The following BRINP1 variants were observed in gnomAD, a reference collection of about 807,000 sequenced individuals.
BRINP1 encodes the protein BMP/retinoic acid-inducible neural-specific protein 1.
In BRINP1, 17 loss-of-function variants were observed where a neutral mutation model predicts 72.9. That is an observed-to-expected ratio of 0.23 (90% CI 0.16 to 0.35). BRINP1 has a LOEUF of 0.35. BRINP1 is among the 10% of genes least tolerant of loss of function. The pLI is 1.00. For synonymous variants in BRINP1, 418 were observed against 378.5 expected (o/e 1.10, Z -1.21); for missense variants, 850 against 1,001.6 (o/e 0.85, Z 2.04).
At chr9:119,289,040 T>A (rs1830796976) in intron 2 of BRINP1, among the ~76,000 whole-genome samples, 1 of 152,218 alleles carries the variant, frequency 6.6e-6, no homozygotes, top group South Asian at 2.1e-4. Flanking sequence ...CCTCAAGTGA[T>A]CCACCCGCCT....
intron 1 of BRINP1, among the ~76,000 whole-genome samples, chr9:119,344,329 T>A (rs1170504066): frequency 6.6e-6 from 1 of 152,192 alleles, no homozygotes; most frequent in African/African-American, 2.4e-5. Flanking sequence ...TAAATACATA[T>A]GTATAAACAC....
At chr9:119,259,064 A>G (rs369444063) in intron 2 of BRINP1, among the ~76,000 whole-genome samples, 7 of 152,290 alleles carry the variant, frequency 4.6e-5, no homozygotes, top group African/African-American at 1.7e-4. Context: ...CTCTACAGAA[A>G]AACAAAATAG....
chr9:119,269,453 G>A (rs1368281417), intron 2 of BRINP1, among the ~76,000 whole-genome samples: 3 of 152,106 alleles, frequency 2.0e-5, no homozygotes, highest in Non-Finnish European at 4.4e-5. Flanking sequence ...TTGGGATTGT[G>A]AGAGTTTGCC....
At chr9:119,347,264 G>C (rs1247643136) in intron 1 of BRINP1, among the ~76,000 whole-genome samples, 1 of 152,060 alleles carries the variant, frequency 6.6e-6, no homozygotes, top group Non-Finnish European at 1.5e-5. Flanking sequence ...TGCCAATGTG[G>C]GCAATGAGGA....
Position 119,313,121 on chromosome 9 carries a change from T to C in BRINP1, c.218+17A>G. On this transcript the variant is annotated intron_variant, in intron 2 of 7. Transcript: ENST00000265922. ...TAATATGAATGTAAGGCAAGGGCTA[T>C]TTAGCCCAGGTCTTACCTGTATATT... 6.2e-7 allele frequency: 1 copy of C among 1,611,520 alleles called. No individual in the cohort carries two copies. The highest frequency in any genetic ancestry group is 8.5e-7 in the Non-Finnish European group (1 of 1,178,980).
intron 5 of BRINP1, among the ~76,000 whole-genome samples, chr9:119,232,944 G>A (rs1307626449): frequency 6.6e-6 from 1 of 151,758 alleles, no homozygotes; most frequent in East Asian, 1.9e-4. Context: ...AGCTGTTACT[G>A]CTATGACTAC....
At chr9:119,307,477 A>C (rs1353678375) in intron 2 of BRINP1, among the ~76,000 whole-genome samples, 2 of 152,176 alleles carry the variant, frequency 1.3e-5, no homozygotes, top group Non-Finnish European at 2.9e-5. Context: ...TGAAATGAAA[A>C]GGGGAAAGAA....
Position 119,368,980 on chromosome 9 carries a change from G to T in BRINP1, c.-51+76C>A. ...TAGGGGGAGGGGCAGAGGAGCGCGG[G>T]GACGCCCCGAATGCGGCCCGGGGCC... On this transcript the variant is annotated intron_variant, in intron 1 of 7. Coordinates refer to ENST00000265922, the MANE Select transcript of BRINP1 (RefSeq NM_014618.3). This position sits in a 1 kb window ranked among gnomAD's most constrained non-coding sequence, Gnocchi z 4.7. 2.6e-6 allele frequency: 1 copy of T among 392,112 alleles called. No individual in the cohort carries two copies. Among genetic ancestry groups the T allele is most frequent in the East Asian group, 3.6e-5 (1 of 27,718 alleles). 24.3% of individuals were successfully genotyped at this position (392,112 alleles called of 1,614,324 possible).
Position 119,242,219 on chromosome 9 carries a change from G to T in BRINP1, c.410-3C>A. The T allele has an allele frequency of 6.2e-7, 1 of 1,613,368 alleles. No homozygotes were observed. Among genetic ancestry groups the T allele is most frequent in the Non-Finnish European group, 8.5e-7 (1 of 1,179,664 alleles). On this transcript the variant is annotated splice_polypyrimidine_tract_variant and splice_region_variant and intron_variant, in intron 3 of 7. Coordinates refer to ENST00000265922, the MANE Select transcript of BRINP1 (RefSeq NM_014618.3). ...ATACATGGTCAAAGCCTCCTCCCCT[G>T]GATGGGAAAGAAAAGTAGATAAGAA... is the stretch of plus-strand genomic sequence containing the variant.
intron 7 of BRINP1, among the ~76,000 whole-genome samples, chr9:119,179,660 C>T (rs966106406): frequency 6.6e-6 from 1 of 152,168 alleles, no homozygotes; most frequent in Admixed American, 6.5e-5. Flanking sequence ...TGATTTTTAT[C>T]CCACCGATGA....
intron 2 of BRINP1, among the ~76,000 whole-genome samples, chr9:119,284,912 C>T (rs1012036243): frequency 6.6e-6 from 1 of 152,120 alleles, no homozygotes; most frequent in Non-Finnish European, 1.5e-5. Flanking sequence ...AATACCACTA[C>T]AATACTGGGC....
At chr9:119,357,250 C>T (rs766035625) in intron 1 of BRINP1, among the ~76,000 whole-genome samples, 1 of 152,066 alleles carries the variant, frequency 6.6e-6, no homozygotes, top group African/African-American at 2.4e-5. Flanking sequence ...CACGTGTGCA[C>T]GTGCATGTGT....
intron 1 of BRINP1, among the ~76,000 whole-genome samples, chr9:119,351,065 T>C (rs1467522748): frequency 6.6e-6 from 1 of 152,142 alleles, no homozygotes; most frequent in African/African-American, 2.4e-5. Flanking sequence ...TTCTCCCTTG[T>C]CTTGCCCCCC....
At chr9:119,228,583 A>C (rs956496666) in intron 5 of BRINP1, among the ~76,000 whole-genome samples, 2 of 152,064 alleles carry the variant, frequency 1.3e-5, no homozygotes, top group Admixed American at 1.3e-4. Flanking sequence ...GCATGTGTGC[A>C]TGCAAGATAC....
intron 7 of BRINP1, among the ~76,000 whole-genome samples, chr9:119,176,387 G>GTGTT (rs1399367014): frequency 1.3e-5 from 2 of 152,162 alleles, no homozygotes; most frequent in Non-Finnish European, 1.5e-5. Context: ...GTGGTAGGAA[G>GTGTT]TGTTAACAAT....
intron 2 of BRINP1, among the ~76,000 whole-genome samples, chr9:119,295,384 C>T (rs964814515): frequency 1.3e-5 from 2 of 152,090 alleles, no homozygotes; most frequent in Non-Finnish European, 2.9e-5. Context: ...TATACTTGCA[C>T]CAACCTAGAT....
chr9:119,289,377 T>C (rs1015711879), intron 2 of BRINP1, among the ~76,000 whole-genome samples: 2 of 152,206 alleles, frequency 1.3e-5, no homozygotes, highest in Non-Finnish European at 2.9e-5. Context: ...ATGAAGACGA[T>C]GGAGAAGAGG....
At chr9:119,306,265 A>G (rs1048114203) in intron 2 of BRINP1, among the ~76,000 whole-genome samples, 1 of 152,230 alleles carries the variant, frequency 6.6e-6, no homozygotes, top group African/African-American at 2.4e-5. Context: ...CAATAAAGCT[A>G]TCATTTTTAG....
intron 7 of BRINP1, among the ~76,000 whole-genome samples, chr9:119,168,619 G>A (rs1829350968): frequency 6.6e-6 from 1 of 152,148 alleles, no homozygotes; most frequent in South Asian, 2.1e-4. Context: ...AATCAGCAAT[G>A]AAAAAGACCT....
Sources: gnomAD v4.1 joint callset for allele counts (sites outside exome capture counted in the v4.1 genomes callset) on GRCh38, gnomAD v4.1.1 for gene constraint, Gnocchi (gnomAD v3.1) non-coding constraint, MANE v1.5 for transcripts, NCBI Gene and HGNC (gene_info 2026-07-23, HGNC 2026-07-21) for gene names.